Variants in GPC5 observed in about 807,000 individuals in gnomAD.
The protein encoded by GPC5 is glypican 5, also known as glypican-5.
In GPC5, 47 loss-of-function variants were observed where a neutral mutation model predicts 53.9. The ratio of observed to expected loss-of-function variants is 0.87; its 90% CI spans 0.69 to 1.11. The LOEUF (loss-of-function observed/expected upper bound fraction) is 1.11. Among genes scored for constraint, GPC5 ranks in the 50% most tolerant of loss-of-function variants. GPC5 has a pLI of 0.00. For missense variants in GPC5, 748 were observed against 713.1 expected (o/e 1.05, Z -0.56); for synonymous variants, 286 against 263.3 (o/e 1.09, Z -0.84).
At chr13:92,592,465 G>T (rs1007529771) in intron 7 of GPC5, among the ~76,000 whole-genome samples, 3 of 151,228 alleles carry the variant, frequency 2.0e-5, no homozygotes, top group African/African-American at 7.3e-5. Context: ...TCTAGTCCCT[G>T]CCAGGCAAAT....
At chr13:91,430,274 A>G (rs567691015) in intron 1 of GPC5, among the ~76,000 whole-genome samples, 5 of 152,330 alleles carry the variant, frequency 3.3e-5, no homozygotes, top group South Asian at 2.1e-4. Flanking sequence ...TGACCTGACT[A>G]TAGTCAGATG....
intron 7 of GPC5, among the ~76,000 whole-genome samples, chr13:92,431,667 G>A (rs76594740): frequency 5.8e-4 from 89 of 152,190 alleles, no homozygotes; most frequent in Middle Eastern, 3.4e-3. Context: ...GAAAGCCATC[G>A]GAGAGGTTTA....
intron 5 of GPC5, among the ~76,000 whole-genome samples, chr13:91,880,113 AT>A (rs543457298): frequency 6.6e-4 from 101 of 152,002 alleles, no homozygotes; most frequent in Middle Eastern, 3.4e-3. Flanking sequence ...GGGACTTAAA[AT>A]TTTTTTTAAA....
chr13:92,239,594 A>G (rs2776432), intron 7 of GPC5, among the ~76,000 whole-genome samples: 85,312 of 151,446 alleles, frequency 0.56, 24,238 homozygotes, highest in South Asian at 0.65. Context: ...ATATCCTGCC[A>G]TTGAATTTTA....
intron 7 of GPC5, among the ~76,000 whole-genome samples, chr13:92,181,518 G>C (rs552861467): frequency 6.6e-6 from 1 of 152,302 alleles, no homozygotes; most frequent in East Asian, 1.9e-4. Flanking sequence ...TCTTCAGATA[G>C]TACAATTTTG....
chr13:92,066,125 T>C (rs113269368), intron 6 of GPC5, among the ~76,000 whole-genome samples: 2 of 152,106 alleles, frequency 1.3e-5, no homozygotes, highest in Non-Finnish European at 2.9e-5. Flanking sequence ...GGAAAAATGT[T>C]GGTTAGGTAA....
At chr13:91,402,294 TATAA>T (rs971919053) in intron 1 of GPC5, among the ~76,000 whole-genome samples, 9 of 152,332 alleles carry the variant, frequency 5.9e-5, no homozygotes, top group African/African-American at 1.9e-4. Flanking sequence ...AGATTTTGGC[TATAA>T]ATAGAGTAAT....
intron 4 of GPC5, among the ~76,000 whole-genome samples, chr13:91,755,287 T>A (rs958858150): frequency 3.2e-4 from 48 of 152,130 alleles, no homozygotes; most frequent in African/African-American, 1.2e-3. Context: ...ATATTTTTAG[T>A]CTTAATGAGG....
intron 3 of GPC5, among the ~76,000 whole-genome samples, chr13:91,707,476 A>T (rs1262561083): frequency 6.6e-6 from 1 of 152,124 alleles, no homozygotes; most frequent in Non-Finnish European, 1.5e-5. Context: ...AATAAGGATT[A>T]GGTAGGCATG....
intron 7 of GPC5, chr13:92,180,823 C>T: frequency 4.4e-6 from 1 of 228,626 alleles, no homozygotes; most frequent in Non-Finnish European, 8.7e-6. Context: ...CCTTCCCATC[C>T]CAATCCTGAT....
chr13:91,997,258 A>G (rs2040512092), intron 6 of GPC5, among the ~76,000 whole-genome samples: 1 of 152,128 alleles, frequency 6.6e-6, no homozygotes, highest in South Asian at 2.1e-4. Flanking sequence ...ATGAGGAGTG[A>G]TATCTTATTT....
chr13:92,459,614 C>T (rs1220451264), intron 7 of GPC5, among the ~76,000 whole-genome samples: 1 of 152,052 alleles, frequency 6.6e-6, no homozygotes, highest in Non-Finnish European at 1.5e-5. Flanking sequence ...CTGGATGTAC[C>T]GAATATTTTA....
intron 2 of GPC5, among the ~76,000 whole-genome samples, chr13:91,618,532 G>A (rs1351492146): frequency 6.6e-6 from 1 of 152,044 alleles, no homozygotes; most frequent in Non-Finnish European, 1.5e-5. Flanking sequence ...CGGTTCATGT[G>A]CTTTGCTCAG....
chr13:92,144,282 TCC>T (rs1329050516), intron 6 of GPC5, among the ~76,000 whole-genome samples: 1 of 152,172 alleles, frequency 6.6e-6, no homozygotes, highest in East Asian at 1.9e-4. Context: ...AAGTCTTTTG[TCC>T]CAAGGTTCAG....
chr13:91,599,386 T>C (rs1006243560), intron 2 of GPC5, among the ~76,000 whole-genome samples: 23 of 152,136 alleles, frequency 1.5e-4, no homozygotes, highest in Non-Finnish European at 2.5e-4. Flanking sequence ...TTTTATCTTA[T>C]CATAAATCAA....
intron 1 of GPC5, among the ~76,000 whole-genome samples, chr13:91,431,736 G>A (rs534944179): frequency 1.5e-4 from 23 of 152,322 alleles, no homozygotes; most frequent in African/African-American, 4.3e-4. Flanking sequence ...TCCCATGGAC[G>A]GGGATGTTGA....
intron 7 of GPC5, among the ~76,000 whole-genome samples, chr13:92,435,703 A>C (rs1877277567): frequency 6.6e-6 from 1 of 152,174 alleles, no homozygotes; most frequent in Non-Finnish European, 1.5e-5. Flanking sequence ...AAGAACAAAG[A>C]CTGAAATACC....
chr13:91,518,249 TA>T (rs1383686895), intron 2 of GPC5, among the ~76,000 whole-genome samples: 1 of 152,152 alleles, frequency 6.6e-6, no homozygotes, highest in Non-Finnish European at 1.5e-5. Context: ...TAGTCCCAGG[TA>T]CTTATGAGGC....
chr13:92,661,078 G>A (rs1283165565), intron 7 of GPC5, among the ~76,000 whole-genome samples: 2 of 151,916 alleles, frequency 1.3e-5, no homozygotes, highest in Non-Finnish European at 2.9e-5. Flanking sequence ...AGGCAGGAGG[G>A]TTGCTTGACT....
Sources: gnomAD v4.1 joint callset for allele counts (sites outside exome capture counted in the v4.1 genomes callset) on GRCh38, gnomAD v4.1.1 for gene constraint, MANE v1.5 for transcripts, NCBI Gene and HGNC (gene_info 2026-07-23, HGNC 2026-07-21) for gene names.